The following UTRN variants were observed in gnomAD, a reference collection of about 807,000 sequenced individuals.
UTRN encodes utrophin.
UTRN carries 283 observed loss-of-function variants against 463.9 expected under a neutral mutation model. The ratio of observed to expected loss-of-function variants is 0.61; its 90% confidence interval spans 0.55 to 0.67. The LOEUF (loss-of-function observed/expected upper bound fraction) is 0.67. Among genes scored for constraint, UTRN ranks in the 30% least tolerant of loss-of-function variants. UTRN has a pLI of 0.00. For missense variants in UTRN, 3,922 were observed against 4,084.3 expected, an observed-to-expected ratio of 0.96 and a Z score of 1.08; for synonymous variants, 1,442 against 1,431.5, an observed-to-expected ratio of 1.01 and a Z score of -0.17.
At chr6:144,595,104 A>T (rs922885237) in intron 51 of UTRN, among the ~76,000 whole-genome samples, 7 of 152,188 alleles carry the variant, frequency 4.6e-5, no homozygotes, top group African/African-American at 1.7e-4. Context: ...GAATCACAAG[A>T]TCTAGATTTG....
intron 2 of UTRN, among the ~76,000 whole-genome samples, chr6:144,399,474 C>A (rs1374249185): frequency 6.6e-6 from 1 of 152,032 alleles, no homozygotes; most frequent in Non-Finnish European, 1.5e-5. Context: ...GTGAAAGAGG[C>A]CTTAATAAAA....
At chr6:144,706,838 C>T (rs1223014019) in intron 53 of UTRN, 3 of 152,076 alleles carry the variant, frequency 2.0e-5, no homozygotes, top group African/African-American at 7.2e-5. Context: ...CACTACAATC[C>T]AGGTAAAATA....
At chr6:144,824,761 T>G in intron 66 of UTRN, among the ~76,000 whole-genome samples, 5 of 125,518 alleles carry the variant, frequency 4.0e-5, no homozygotes, top group Admixed American at 1.8e-4. Flanking sequence ...AGGCAGTATG[T>G]GAAGTTGGTG....
At chr6:144,677,943 G>A (rs1781810974) in intron 51 of UTRN, among the ~76,000 whole-genome samples, 1 of 152,162 alleles carries the variant, frequency 6.6e-6, no homozygotes, top group Middle Eastern at 3.4e-3. Context: ...CTTTTTGATG[G>A]GGTTGTTTGC....
At chr6:144,689,273 G>C (rs1219487772) in intron 52 of UTRN, among the ~76,000 whole-genome samples, 1 of 152,158 alleles carries the variant, frequency 6.6e-6, no homozygotes, top group East Asian at 1.9e-4. Flanking sequence ...AGGTGTGTCT[G>C]CAATGGTGGG....
intron 27 of UTRN, among the ~76,000 whole-genome samples, chr6:144,483,026 T>C (rs1792055252): frequency 6.6e-6 from 1 of 152,234 alleles, no homozygotes; most frequent in South Asian, 2.1e-4. Context: ...TTGGAAGATT[T>C]AAGAAGGCTT....
intron 58 of UTRN, among the ~76,000 whole-genome samples, chr6:144,765,839 C>T (rs569210021): frequency 6.6e-6 from 1 of 152,030 alleles, no homozygotes; most frequent in Non-Finnish European, 1.5e-5. Context: ...TTTTGCAGTA[C>T]CTATTATCAA....
chr6:144,692,808 A>G (rs981676701), intron 52 of UTRN, among the ~76,000 whole-genome samples: 5 of 152,290 alleles, frequency 3.3e-5, no homozygotes, highest in African/African-American at 1.2e-4. Flanking sequence ...TGTCAGATGC[A>G]TAGTTTGCAA....
intron 19 of UTRN, among the ~76,000 whole-genome samples, chr6:144,454,240 C>T (rs536885864): frequency 1.4e-4 from 21 of 151,984 alleles, no homozygotes; most frequent in Admixed American, 2.6e-4. Context: ...ATTTGGGAAA[C>T]GAAGTTACGT....
At chr6:144,299,274 T>C (rs1805023284) in intron 2 of UTRN, among the ~76,000 whole-genome samples, 1 of 152,208 alleles carries the variant, frequency 6.6e-6, no homozygotes, top group South Asian at 2.1e-4. Context: ...TCTTTAGTGC[T>C]CTTAATTTAT....
chr6:144,637,508 T>C (rs895872159), intron 51 of UTRN, among the ~76,000 whole-genome samples: 4 of 152,046 alleles, frequency 2.6e-5, no homozygotes, highest in African/African-American at 9.7e-5. Context: ...AGATACATGT[T>C]ATAACGTGCA....
At chr6:144,399,871 G>A (rs1324791963) in intron 2 of UTRN, among the ~76,000 whole-genome samples, 1 of 152,158 alleles carries the variant, frequency 6.6e-6, no homozygotes, top group African/African-American at 2.4e-5. Flanking sequence ...GATGTGTCTT[G>A]CTATACTTCT....
chr6:144,657,609 A>G (rs1009051993), intron 51 of UTRN, among the ~76,000 whole-genome samples: 2 of 152,190 alleles, frequency 1.3e-5, no homozygotes, highest in Non-Finnish European at 2.9e-5. Context: ...GGGTGTGGAT[A>G]CAAGATATGT....
intron 2 of UTRN, among the ~76,000 whole-genome samples, chr6:144,353,232 A>G (rs1252843586): frequency 6.6e-6 from 1 of 151,910 alleles, no homozygotes; most frequent in African/African-American, 2.4e-5. Flanking sequence ...CCCTTACCTC[A>G]GCCTCCCGAG....
intron 2 of UTRN, among the ~76,000 whole-genome samples, chr6:144,399,682 G>C (rs1782766946): frequency 6.6e-6 from 1 of 152,176 alleles, no homozygotes; most frequent in Non-Finnish European, 1.5e-5. Flanking sequence ...TTTTAGAGGT[G>C]ATTTGTGTGC....
At chr6:144,536,340 T>C (rs1308683461) in intron 43 of UTRN, among the ~76,000 whole-genome samples, 1 of 152,198 alleles carries the variant, frequency 6.6e-6, no homozygotes, top group Non-Finnish European at 1.5e-5. Flanking sequence ...CAAAGGCCTA[T>C]AATAGTATTT....
intron 62 of UTRN, among the ~76,000 whole-genome samples, chr6:144,793,425 C>T (rs1586597320): frequency 1.3e-5 from 2 of 152,026 alleles, no homozygotes; most frequent in Non-Finnish European, 1.5e-5. Context: ...ATTCCTTTGA[C>T]AAGTCATGAA....
At chr6:144,621,009 C>T (rs1487264054) in intron 51 of UTRN, among the ~76,000 whole-genome samples, 1 of 152,098 alleles carries the variant, frequency 6.6e-6, no homozygotes, top group African/African-American at 2.4e-5. Context: ...GTGTGATTTA[C>T]AGTATTGGAT....
At chr6:144,779,171 G>A (rs1302281741) in intron 60 of UTRN, among the ~76,000 whole-genome samples, 1 of 152,174 alleles carries the variant, frequency 6.6e-6, no homozygotes, top group Admixed American at 6.5e-5. Context: ...GGATCCAATA[G>A]CAGTGCTGTG....
Sources: gnomAD v4.1 joint callset for allele counts (sites outside exome capture counted in the v4.1 genomes callset) on GRCh38, gnomAD v4.1.1 for gene constraint, MANE v1.5 for transcripts, NCBI Gene and HGNC (gene_info 2026-07-23, HGNC 2026-07-21) for gene names.